ITGAL: variants seen among roughly 807,000 people sequenced by gnomAD.
The protein encoded by ITGAL is integrin alpha-L.
ITGAL carries 68 observed loss-of-function variants against 138.4 expected under a neutral mutation model. That is an observed-to-expected ratio of 0.49 (90% CI 0.40 to 0.60). The LOEUF is 0.60. Among genes scored for constraint, ITGAL ranks in the 20% least tolerant of loss-of-function variants. The pLI is 0.00. For missense variants in ITGAL, 1,256 were observed against 1,478.6 expected, an observed-to-expected ratio of 0.85 and a Z score of 2.47; for synonymous variants, 561 against 584.3, an observed-to-expected ratio of 0.96 and a Z score of 0.57.
chr16:30,481,365 AAAG>A, intron 6 of ITGAL, 71 bp from the exon 7 acceptor site: 8 of 1,024,206 alleles, frequency 7.8e-6, no homozygotes, highest in Non-Finnish European at 1.1e-5. Flanking sequence ...AAAAAAAAAA[AAAG>A]AAGTAGAGTT....
chr16:30,484,768 A>C (rs1343947209), intron 9 of ITGAL, among the ~76,000 whole-genome samples: 2 of 151,756 alleles, frequency 1.3e-5, no homozygotes, highest in Non-Finnish European at 2.9e-5. Flanking sequence ...AAAATACAAA[A>C]ATTAGCTGGG....
In ITGAL at chr16:30,479,297, G is replaced by A. The variant is rs758271435; in HGVS notation, c.446-34G>A. ...CATGGGCAGGTCAAACACCAGAGAT[G>A]CTTCACTGGGTCCCTTGCGTCTGGC... is the stretch of plus-strand genomic sequence containing the variant. On this transcript the variant is annotated intron_variant, in intron 5 of 30. Coordinates refer to ENST00000356798, the MANE Select transcript of ITGAL (RefSeq NM_002209.3). 22 of 1,613,648 alleles carry A rather than the reference G, an allele frequency of 1.4e-5. 1 individual carries two copies. The South Asian group carries it at 2.1e-4, about 15-fold the overall frequency.
intron 15 of ITGAL, 143 bp downstream of exon 15, chr16:30,496,709 A>C (rs2050805890): frequency 1.4e-6 from 1 of 700,566 alleles, no homozygotes; most frequent in Admixed American, 3.8e-5. Context: ...TGGCATGATC[A>C]TAACTCACTG....
chr16:30,514,432 A>G (rs527903006), intron 25 of ITGAL, among the ~76,000 whole-genome samples: 15 of 152,140 alleles, frequency 9.9e-5, no homozygotes, highest in African/African-American at 3.4e-4. Context: ...ATGTGCCACC[A>G]TGCCCGGCTA....
intron 11 of ITGAL, among the ~76,000 whole-genome samples, chr16:30,490,601 T>G (rs560559145): frequency 4.6e-5 from 7 of 152,250 alleles, no homozygotes; most frequent in Admixed American, 3.9e-4. Context: ...CTGTGGCTAG[T>G]AAACTTCTTT....
chr16:30,519,400 A>G (rs776218456), intron 29 of ITGAL, among the ~76,000 whole-genome samples: 60 of 152,184 alleles, frequency 3.9e-4, no homozygotes, highest in Admixed American at 1.6e-3. Context: ...AAAAAAATCA[A>G]TCTGATGGCA....
chr16:30,513,855 C>A lies in ITGAL; in HGVS notation c.2862+9C>A. Reference sequence around the variant, plus strand: ...TCAAGCACATGTACCAGGTATGAATCCCAATGTGGAAGGTCCTTATAGGTC... The same window carrying A: ...TCAAGCACATGTACCAGGTATGAATACCAATGTGGAAGGTCCTTATAGGTC... On this transcript the variant is annotated intron_variant, in intron 25 of 30. Coordinates refer to ENST00000356798, the MANE Select transcript of ITGAL (RefSeq NM_002209.3). 6.3e-7 allele frequency: 1 copy of A among 1,597,594 alleles called. No individual in the cohort carries two copies. The highest frequency in any genetic ancestry group is 8.6e-7 in the Non-Finnish European group (1 of 1,165,010).
Position 30,475,583 on chromosome 16 carries a change from A to G in ITGAL, c.327+3A>G. ...ACCCCACAGATGGAAGCATTTTGGT[A>G]AGAATTTTGTGCAGTGGTGTTATCA... On this transcript the variant is annotated splice_donor_region_variant and intron_variant, in intron 4 of 30. Coordinates refer to ENST00000356798, the MANE Select transcript of ITGAL (RefSeq NM_002209.3). 1 of 1,611,006 alleles carries G rather than the reference A, an allele frequency of 6.2e-7. No individual in the cohort carries two copies. Among genetic ancestry groups the G allele is most frequent in the African/African-American group, 1.3e-5 (1 of 74,958 alleles).
rs117049529 is a variant in ITGAL, at chr16:30,508,749, C to T, written c.2509-1612C>T. 5.4e-3 allele frequency among the ~76,000 whole-genome samples: 823 copies of T among 152,136 alleles called. 27 individuals carry two copies. In the East Asian group the frequency reaches 0.082, roughly 15 times the overall value. ...GTGGGGTGTGCCTGTAGTCCTGCTA[C>T]TCAGGAGGCTGAGGTGGGTGGATCG... is the stretch of plus-strand genomic sequence containing the variant. On this transcript the variant is annotated intron_variant, in intron 21 of 30. Transcript: ENST00000356798.
chr16:30,496,554 T>C lies in ITGAL; in HGVS notation c.1820T>C (p.Met607Thr). Residue 607 changes from methionine (M) to threonine (T), a missense_variant, in exon 15 of 31, where the codon ATG (methionine) becomes ACG (threonine). By Grantham distance (81) the Met-to-Thr change is moderately conservative. This residue lies in a region of ITGAL where 867 missense variants were observed against 972.5 expected (regional missense o/e 0.89). Transcript: ENST00000356798. ...ADVAVGAESQ[M>T]IVLSSRPVVD... ...GTGGCTGTGGGGGCTGAGAGCCAGA[T>C]GATCGTGCTGAGGTGAGATGGGTCT... 6.2e-7 allele frequency: 1 copy of C among 1,613,478 alleles called. No individual in the cohort carries two copies. Among genetic ancestry groups the C allele is most frequent in the Non-Finnish European group, 8.5e-7 (1 of 1,179,670 alleles).
chr16:30,501,211 T>C (rs1353050430), intron 17 of ITGAL, among the ~76,000 whole-genome samples: 1 of 152,134 alleles, frequency 6.6e-6, no homozygotes, highest in Non-Finnish European at 1.5e-5. Flanking sequence ...TAGTTACTAT[T>C]TTTCCCTACT....
chr16:30,477,614 C>A (rs943065319), intron 4 of ITGAL, among the ~76,000 whole-genome samples: 1 of 151,612 alleles, frequency 6.6e-6, no homozygotes. Context: ...TGCAATCTGG[C>A]AGGAAAGGGT....
chr16:30,504,553 T>C (rs550690986), intron 18 of ITGAL, among the ~76,000 whole-genome samples: 1 of 151,078 alleles, frequency 6.6e-6, no homozygotes, highest in East Asian at 2.0e-4. Flanking sequence ...ACATAAAAAA[T>C]TAGTTATTGT....
intron 5 of ITGAL, 49 bp downstream of exon 5, chr16:30,479,257 C>G (rs1456789425): frequency 6.2e-7 from 1 of 1,612,346 alleles, no homozygotes; most frequent in Non-Finnish European, 8.5e-7. Context: ...AATGGCTGTC[C>G]CTAGAGAGAA....
chr16:30,513,118 G>T (rs767544065), intron 24 of ITGAL, among the ~76,000 whole-genome samples: 1 of 152,238 alleles, frequency 6.6e-6, no homozygotes, highest in Non-Finnish European at 1.5e-5. Flanking sequence ...GTGCGGCTTG[G>T]ACTGGGGTCT....
In ITGAL at chr16:30,481,484, T is replaced by A; in HGVS notation, c.622T>A (p.Phe208Ile). The A allele has an allele frequency of 6.2e-7, 1 of 1,612,558 alleles. No homozygotes were observed. Among genetic ancestry groups the A allele is most frequent in the Non-Finnish European group, 8.5e-7 (1 of 1,178,930 alleles). ...CACAAGCTACAAAACAGAATTTGAT[T>A]TCTCAGATTATGTTAAACGGAAGGA... ...FSTSYKTEFD[F>I]SDYVKRKDPD... Residue 208 changes from phenylalanine to isoleucine, a missense_variant, in exon 7 of 31, where the codon TTC (phenylalanine) becomes ATC (isoleucine). Phe to Ile is a conservative substitution (Grantham distance 21). Coordinates refer to ENST00000356798, the MANE Select transcript of ITGAL (RefSeq NM_002209.3).
chr16:30,497,478 C>CTTT (rs956457555), intron 15 of ITGAL, among the ~76,000 whole-genome samples: 3 of 146,960 alleles, frequency 2.0e-5, no homozygotes, highest in Non-Finnish European at 3.0e-5. Context: ...ACCATCTGTA[C>CTTT]TTTTTTTTTT....
intron 18 of ITGAL, 184 bp from the exon 19 acceptor site, chr16:30,505,060 C>A: frequency 2.2e-6 from 1 of 454,198 alleles, no homozygotes; most frequent in Non-Finnish European, 3.9e-6. Context: ...AGTAAGACTG[C>A]ACAAATGGCA....
intron 30 of ITGAL, among the ~76,000 whole-genome samples, chr16:30,520,813 G>C (rs1325010938): frequency 3.9e-5 from 6 of 152,274 alleles, no homozygotes; most frequent in African/African-American, 1.4e-4. Context: ...GGCCGGGTAC[G>C]GTGGCTCACA....
Sources: gnomAD v4.1 joint callset for allele counts (sites outside exome capture counted in the v4.1 genomes callset) on GRCh38, gnomAD v4.1.1 for gene constraint, gnomAD v4.1.1 regional missense constraint, MANE v1.5 for transcripts, NCBI Gene and HGNC (gene_info 2026-07-23, HGNC 2026-07-21) for gene names.